The following CLTCL1 variants were observed in gnomAD, a reference collection of about 807,000 sequenced individuals.
The protein encoded by CLTCL1 is clathrin heavy chain 2.
In CLTCL1, 159 loss-of-function variants were observed where a neutral mutation model predicts 190.0. The ratio of observed to expected loss-of-function variants is 0.84; its 90% CI spans 0.74 to 0.95. The LOEUF (loss-of-function observed/expected upper bound fraction) is 0.95. Ranked by LOEUF, CLTCL1 falls within the 40% of genes least tolerant of loss-of-function variation. The pLI is 0.00. For synonymous variants in CLTCL1, 752 were observed against 769.6 expected, an observed-to-expected ratio of 0.98 and a Z score of 0.38; for missense variants, 1,878 against 2,033.4, an observed-to-expected ratio of 0.92 and a Z score of 1.47.
At chr22:19,205,597 T>C (rs1459363521) in intron 22 of CLTCL1, among the ~76,000 whole-genome samples, 2 of 152,364 alleles carry the variant, frequency 1.3e-5, no homozygotes, top group Admixed American at 6.5e-5. Flanking sequence ...TAAATATTTA[T>C]AGGTAAAACT....
In CLTCL1 at chr22:19,196,259, C is replaced by T. The variant is rs782295560; in HGVS notation, c.4191+7G>A. On this transcript the variant is annotated splice_region_variant and intron_variant, in intron 26 of 32. Coordinates refer to ENST00000427926, the MANE Select transcript of CLTCL1 (RefSeq NM_007098.4). ...GGCAGGAGCCAGCGCTCTGTATCCC[C>T]TCTTACCTTGGTAATGATGTCCTTG... 1 of 1,611,884 alleles carries T rather than the reference C, an allele frequency of 6.2e-7. No homozygotes were observed. The highest frequency in any genetic ancestry group is 8.5e-7 in the Non-Finnish European group (1 of 1,179,644).
chr22:19,268,383 G>A (rs1555978883), intron 2 of CLTCL1, among the ~76,000 whole-genome samples: 2 of 152,128 alleles, frequency 1.3e-5, no homozygotes, highest in African/African-American at 2.4e-5. Flanking sequence ...AACAGACTAA[G>A]ACAAGATGTC....
intron 22 of CLTCL1, chr22:19,207,926 G>A: frequency 2.9e-6 from 2 of 682,734 alleles, no homozygotes; most frequent in Non-Finnish European, 5.3e-6. Flanking sequence ...ATGGTGAGTT[G>A]TAGAATTATT....
intron 22 of CLTCL1, among the ~76,000 whole-genome samples, chr22:19,204,241 A>G (rs1555941536): frequency 6.6e-6 from 1 of 152,170 alleles, no homozygotes; most frequent in Admixed American, 6.5e-5. Context: ...CCTGACCCGC[A>G]GAGGCCAACA....
intron 30 of CLTCL1, 165 bp from the exon 31 acceptor site, chr22:19,180,971 T>C: frequency 1.6e-6 from 1 of 633,378 alleles, no homozygotes; most frequent in Non-Finnish European, 2.9e-6. Context: ...CCATGCACTT[T>C]TAGAATGCAG....
intron 3 of CLTCL1, among the ~76,000 whole-genome samples, chr22:19,250,916 T>C (rs1370652967): frequency 6.6e-6 from 1 of 152,172 alleles, no homozygotes; most frequent in African/African-American, 2.4e-5. Flanking sequence ...GTATAAGTAC[T>C]CCAACTTTTT....
chr22:19,188,651 G>A (rs1025093099), intron 27 of CLTCL1, among the ~76,000 whole-genome samples: 4 of 146,956 alleles, frequency 2.7e-5, no homozygotes, highest in South Asian at 2.1e-4. Flanking sequence ...CTTGCTCGTC[G>A]CCCACACTGG....
intron 22 of CLTCL1, chr22:19,207,727 G>A: frequency 2.1e-6 from 1 of 483,402 alleles, no homozygotes. Flanking sequence ...TCCGCCTCCT[G>A]TTAGATCAGC....
At chr22:19,243,514 G>A (rs1417351515) in intron 3 of CLTCL1, among the ~76,000 whole-genome samples, 2 of 151,968 alleles carry the variant, frequency 1.3e-5, no homozygotes, top group African/African-American at 4.8e-5. Flanking sequence ...AGCTACTCGG[G>A]AGGCCAAGGC....
intron 2 of CLTCL1, chr22:19,258,797 G>A: frequency 1.5e-6 from 1 of 685,056 alleles, no homozygotes; most frequent in Non-Finnish European, 2.7e-6. Context: ...CCAAAGTTCT[G>A]AGGAATTGAG....
intron 3 of CLTCL1, among the ~76,000 whole-genome samples, chr22:19,252,302 CT>C (rs2086616773): frequency 6.6e-6 from 1 of 152,172 alleles, no homozygotes; most frequent in African/African-American, 2.4e-5. Context: ...TTCCCATTGC[CT>C]GCAGTCTGGC....
Position 19,208,561 on chromosome 22 carries a change from A to G in CLTCL1, c.3443-250T>C, listed in dbSNP as rs534455866. Among the ~76,000 whole-genome samples, 64 of 152,264 alleles carry G rather than the reference A, an allele frequency of 4.2e-4. 1 individual carries two copies. Among genetic ancestry groups the G allele is most frequent in the African/African-American group, 1.5e-3 (63 of 41,540 alleles). On this transcript the variant is annotated intron_variant, in intron 21 of 32. Transcript: ENST00000427926. ...CTTAGAAAAGACTTTGCCAGGAGAC[A>G]GAATGCTTGTTCTGGACATCAGAGA...
At chr22:19,256,335 T>C (rs999921621) in intron 2 of CLTCL1, among the ~76,000 whole-genome samples, 1 of 148,270 alleles carries the variant, frequency 6.7e-6, no homozygotes, top group Non-Finnish European at 1.5e-5. Context: ...TTTTTCTTTT[T>C]TTTTTCTTTT....
At chr22:19,241,941 CTTTTTTTT>C in intron 4 of CLTCL1, among the ~76,000 whole-genome samples, 1 of 139,078 alleles carries the variant, frequency 7.2e-6, no homozygotes, top group East Asian at 2.1e-4. Flanking sequence ...CCTCATCTAC[CTTTTTTTT>C]TTTTTTTTTT....
intron 29 of CLTCL1, 62 bp from the exon 30 acceptor site, chr22:19,183,673 G>C: frequency 6.5e-7 from 1 of 1,548,978 alleles, no homozygotes; most frequent in East Asian, 2.3e-5. Flanking sequence ...GCCTGCAGCA[G>C]CTGGGCCGGA....
Position 19,243,921 on chromosome 22 carries a change from T to C in CLTCL1, c.520-985A>G, listed in dbSNP as rs1444201121. On this transcript the variant is annotated intron_variant, in intron 3 of 32. Coordinates refer to ENST00000427926, the MANE Select transcript of CLTCL1 (RefSeq NM_007098.4). ...ACCATGTTGGCCAGGATGGTCTCGATATCCTGACGTCGTGATCTGCCTGCC... is the reference window on the plus strand; with the variant it reads ...ACCATGTTGGCCAGGATGGTCTCGACATCCTGACGTCGTGATCTGCCTGCC... Among the ~76,000 whole-genome samples, 3 of 152,064 alleles carry C rather than the reference T, an allele frequency of 2.0e-5. No individual in the cohort carries two copies. In the East Asian group the frequency reaches 5.8e-4, roughly 29 times the overall value.
At chr22:19,232,854 C>A in intron 9 of CLTCL1, 1 of 564,220 alleles carries the variant, frequency 1.8e-6, no homozygotes, top group Non-Finnish European at 3.0e-6. Context: ...ACACAGCCTG[C>A]CAGTAAGCAC....
intron 5 of CLTCL1, 93 bp downstream of exon 5, chr22:19,239,182 G>C (rs944481659): frequency 1.0e-6 from 1 of 958,364 alleles, no homozygotes; most frequent in Non-Finnish European, 1.7e-6. Flanking sequence ...GGAGACAGCA[G>C]AAGCAGACTA....
intron 5 of CLTCL1, chr22:19,238,659 T>C (rs937326741): frequency 4.3e-5 from 8 of 187,548 alleles, no homozygotes; most frequent in East Asian, 1.2e-4. Flanking sequence ...GTTCAGGTGT[T>C]TTCCCAACCT....
Sources: gnomAD v4.1 joint callset for allele counts (sites outside exome capture counted in the v4.1 genomes callset) on GRCh38, gnomAD v4.1.1 for gene constraint, MANE v1.5 for transcripts, NCBI Gene and HGNC (gene_info 2026-07-23, HGNC 2026-07-21) for gene names.